Variants in NCAM1 observed in about 807,000 individuals in gnomAD.
NCAM1 encodes antigen recognized by monoclonal antibody 5.1H11.
NCAM1 carries 14 observed loss-of-function variants against 109.8 expected under a neutral mutation model. That is an observed-to-expected ratio of 0.13 (90% CI 0.08 to 0.20). The LOEUF (loss-of-function observed/expected upper bound fraction) is 0.20. NCAM1 is among the 10% of genes least tolerant of loss of function. The pLI is 1.00. For missense variants in NCAM1, 774 were observed against 1,109.9 expected, an observed-to-expected ratio of 0.70 and a Z score of 4.30; for synonymous variants, 418 against 442.9, an observed-to-expected ratio of 0.94 and a Z score of 0.70.
intron 16 of NCAM1, 84 bp downstream of exon 16, chr11:113,256,085 G>C (rs545244790): frequency 6.6e-7 from 1 of 1,511,628 alleles, no homozygotes; most frequent in African/African-American, 1.4e-5. Context: ...GGCAGCCCAC[G>C]GGGCAGGGGT....
intron 9 of NCAM1, among the ~76,000 whole-genome samples, chr11:113,223,292 C>G (rs1047548532): frequency 3.3e-5 from 5 of 152,104 alleles, no homozygotes; most frequent in African/African-American, 1.2e-4. Flanking sequence ...ATCTGTGTAT[C>G]CTCAAAGGGA....
chr11:113,153,575 A>G (rs1942312307), intron 1 of NCAM1, among the ~76,000 whole-genome samples: 1 of 152,080 alleles, frequency 6.6e-6, no homozygotes, highest in African/African-American at 2.4e-5. Context: ...AAGAATATGA[A>G]TGAAAGAACT....
Position 113,090,683 on chromosome 11 carries a change from G to A in NCAM1, c.53-111696G>A, listed in dbSNP as rs371984920. 7.5e-4 allele frequency among the ~76,000 whole-genome samples: 114 copies of A among 152,214 alleles called. 1 individual carries two copies. Among genetic ancestry groups the A allele is most frequent in the African/African-American group, 2.6e-3 (109 of 41,520 alleles). ...GTATGCTAGAGGGAAAGGATAAAAG[G>A]GAGACTTAAAATTGCTTTGAATTAA... On this transcript the variant is annotated intron_variant, in intron 1 of 19. Coordinates refer to ENST00000316851, the MANE Select transcript of NCAM1 (RefSeq NM_181351.5).
chr11:113,059,096 C>A (rs1398402965), intron 1 of NCAM1, among the ~76,000 whole-genome samples: 2 of 152,172 alleles, frequency 1.3e-5, no homozygotes, highest in African/African-American at 4.8e-5. Context: ...AGGCTTCTCC[C>A]CCACTTGCCT....
intron 1 of NCAM1, among the ~76,000 whole-genome samples, chr11:113,067,838 G>A (rs1387415593): frequency 1.3e-5 from 2 of 152,026 alleles, no homozygotes; most frequent in Non-Finnish European, 2.9e-5. Context: ...TCTCTATTGG[G>A]AGACTTCTGA....
chr11:113,203,588 C>T (rs1347727151), intron 2 of NCAM1, among the ~76,000 whole-genome samples: 6 of 152,316 alleles, frequency 3.9e-5, no homozygotes, highest in African/African-American at 1.4e-4. Flanking sequence ...AGCTCAGTGC[C>T]GGGGGCAGCT....
At chr11:113,025,040 G>A (rs1454416023) in intron 1 of NCAM1, among the ~76,000 whole-genome samples, 1 of 152,136 alleles carries the variant, frequency 6.6e-6, no homozygotes, top group African/African-American at 2.4e-5. Flanking sequence ...GCTTCCAAAC[G>A]GTCTCATCAT....
intron 1 of NCAM1, among the ~76,000 whole-genome samples, chr11:113,034,502 A>G (rs1952806935): frequency 6.6e-6 from 1 of 152,178 alleles, no homozygotes; most frequent in South Asian, 2.1e-4. Context: ...AAGAGAATTC[A>G]TCTGTACATA....
At chr11:113,236,396 C>T in intron 14 of NCAM1, 4 of 1,473,328 alleles carry the variant, frequency 2.7e-6, no homozygotes, top group Non-Finnish European at 3.8e-6. Context: ...AGTTCTGGTC[C>T]CTTTTTTGTC....
chr11:113,231,401 C>A, intron 9 of NCAM1: 1 of 1,120,052 alleles, frequency 8.9e-7, no homozygotes, highest in Non-Finnish European at 1.3e-6. Context: ...GATCAGGCTG[C>A]CTGACATAAC....
chr11:113,138,095 A>G, intron 1 of NCAM1, among the ~76,000 whole-genome samples: 1 of 152,188 alleles, frequency 6.6e-6, no homozygotes. Flanking sequence ...ATTACAGCAG[A>G]GAGCAGAGAA....
intron 1 of NCAM1, among the ~76,000 whole-genome samples, chr11:112,965,924 G>T (rs1188878425): frequency 3.9e-5 from 6 of 152,096 alleles, no homozygotes; most frequent in Non-Finnish European, 7.4e-5. Context: ...GGGAGAGAAG[G>T]GATCGCACCT....
intron 13 of NCAM1, 113 bp from the exon 14 acceptor site, chr11:113,234,920 G>A (rs1945118334): frequency 5.2e-6 from 7 of 1,343,552 alleles, no homozygotes; most frequent in Non-Finnish European, 6.0e-6. Flanking sequence ...AGAATTGCTG[G>A]ACCAAATGAT....
In NCAM1 at chr11:113,205,626, C is replaced by T; in HGVS notation, c.450C>T (p.Ile150=). The change falls in exon 4 of 20, where the codon ATC becomes ATT. Residue 150 remains isoleucine, a synonymous_variant. Coordinates refer to ENST00000316851, the MANE Select transcript of NCAM1 (RefSeq NM_181351.5). ...DVVSSLPPTI[I]WKHKGRDVIL... ...TCAGCTCCCTCCCACCAACCATCAT[C>T]TGGAAACACAAAGGCCGAGATGTCA... The T allele has an allele frequency of 6.2e-7, 1 of 1,613,906 alleles. No homozygotes were observed. The highest frequency in any genetic ancestry group is 8.5e-7 in the Non-Finnish European group (1 of 1,179,858).
At chr11:113,206,218 A>G (rs1555112854) in intron 5 of NCAM1, 38 bp downstream of exon 5, 1 of 1,559,012 alleles carries the variant, frequency 6.4e-7, no homozygotes, top group Middle Eastern at 1.7e-4. Context: ...CTGCATTGCT[A>G]CAACCTTGGT....
chr11:113,090,728 C>T (rs923448166), intron 1 of NCAM1, among the ~76,000 whole-genome samples: 6 of 152,258 alleles, frequency 3.9e-5, no homozygotes, highest in South Asian at 2.1e-4. Context: ...AAAATGAGAA[C>T]GTTTGTAGAA....
chr11:113,264,229 T>G (rs951709493), intron 17 of NCAM1: 21 of 984,482 alleles, frequency 2.1e-5, no homozygotes, highest in Admixed American at 6.2e-5. Context: ...CTTTTTGGTT[T>G]CTTTATGTAT....
At chr11:113,225,819 A>G (rs1944826903) in intron 9 of NCAM1, among the ~76,000 whole-genome samples, 1 of 152,240 alleles carries the variant, frequency 6.6e-6, no homozygotes, top group Admixed American at 6.5e-5. Flanking sequence ...AGAATTTCAT[A>G]TCCAGCCAAA....
chr11:113,035,096 A>T (rs1056277900), intron 1 of NCAM1, among the ~76,000 whole-genome samples: 3 of 152,234 alleles, frequency 2.0e-5, no homozygotes, highest in Non-Finnish European at 2.9e-5. Flanking sequence ...GAAACACAGT[A>T]AAAATAACTA....
Sources: gnomAD v4.1 joint callset for allele counts (sites outside exome capture counted in the v4.1 genomes callset) on GRCh38, gnomAD v4.1.1 for gene constraint, MANE v1.5 for transcripts, NCBI Gene and HGNC (gene_info 2026-07-23, HGNC 2026-07-21) for gene names.